Variants in COL5A2 observed in about 807,000 individuals in gnomAD.
The protein encoded by COL5A2 is collagen type V alpha 2 chain, also known as collagen alpha-2(V) chain.
COL5A2 carries 23 observed loss-of-function variants against 208.2 expected under a neutral mutation model. The observed-to-expected ratio is 0.11, with a 90% CI of 0.08 to 0.16. The LOEUF is 0.16. Ranked by LOEUF, COL5A2 falls within the 10% of genes least tolerant of loss-of-function variation. COL5A2 has a pLI of 1.00. For missense variants in COL5A2, 1,590 were observed against 1,956.4 expected (o/e 0.81, Z 3.53); for synonymous variants, 625 against 628.5 (o/e 0.99, Z 0.08).
chr2:189,244,453 T>A, the COL5A2 span, among the ~76,000 whole-genome samples: 1 of 152,178 alleles, frequency 6.6e-6, no homozygotes, highest in Admixed American at 6.6e-5. Context: ...TGCTAAAACA[T>A]AACAAGAGTC....
intron 12 of COL5A2, among the ~76,000 whole-genome samples, chr2:189,083,636 G>A (rs944210991): frequency 6.6e-6 from 1 of 151,810 alleles, no homozygotes; most frequent in Non-Finnish European, 1.5e-5. Context: ...GGATTGAAGT[G>A]TGAATTGTAA....
the COL5A2 span, among the ~76,000 whole-genome samples, chr2:189,305,884 G>T: frequency 5.9e-5 from 9 of 151,674 alleles, no homozygotes; most frequent in African/African-American, 2.2e-4. Context: ...CAGGGCATCA[G>T]TCAGCACCTC....
At chr2:189,423,419 A>G in the COL5A2 span, among the ~76,000 whole-genome samples, 5 of 152,074 alleles carry the variant, frequency 3.3e-5, no homozygotes, top group African/African-American at 4.8e-5. Context: ...AGAAACTAGG[A>G]AAATAATAGG....
At chr2:189,240,643 T>C in the COL5A2 span, among the ~76,000 whole-genome samples, 1 of 152,214 alleles carries the variant, frequency 6.6e-6, no homozygotes, top group Non-Finnish European at 1.5e-5. Context: ...TGAGTTTCTC[T>C]ACCCAATCAA....
At chr2:189,384,668 T>A in the COL5A2 span, among the ~76,000 whole-genome samples, 1 of 152,214 alleles carries the variant, frequency 6.6e-6, no homozygotes, top group Non-Finnish European at 1.5e-5. Flanking sequence ...GAGGGATAGT[T>A]TGCAAATATT....
the COL5A2 span, among the ~76,000 whole-genome samples, chr2:189,315,398 A>C: frequency 6.0e-4 from 92 of 152,310 alleles, 2 homozygotes; most frequent in Middle Eastern, 3.4e-3. Context: ...TCATGTTAAA[A>C]ATTCCCTATA....
chr2:189,328,687 T>G, the COL5A2 span, among the ~76,000 whole-genome samples: 1 of 152,210 alleles, frequency 6.6e-6, no homozygotes, highest in Non-Finnish European at 1.5e-5. Flanking sequence ...GGATTTTGTT[T>G]GCCCCACTGC....
At chr2:189,266,574 C>T in the COL5A2 span, among the ~76,000 whole-genome samples, 1 of 151,964 alleles carries the variant, frequency 6.6e-6, no homozygotes, top group Non-Finnish European at 1.5e-5. Context: ...AGGCAAATAT[C>T]TAGATACAGA....
the COL5A2 span, among the ~76,000 whole-genome samples, chr2:189,269,743 T>C: frequency 1.3e-5 from 2 of 152,222 alleles, no homozygotes; most frequent in African/African-American, 4.8e-5. Flanking sequence ...AGGATGATGC[T>C]GGCCTCATAA....
In COL5A2 at chr2:189,068,900, G is replaced by A. The variant is rs201400695; in HGVS notation, c.1159-16C>T. On this transcript the variant is annotated splice_polypyrimidine_tract_variant and intron_variant, in intron 18 of 53. Transcript: ENST00000374866. ...CTGCTTCTCCCTAAAAGGGTGCAAA[G>A]GGAAATGTTAATTTAAGAAAAATAC... 73 of 1,545,646 alleles carry A rather than the reference G, an allele frequency of 4.7e-5. No individual in the cohort carries two copies. The East Asian group carries it at 1.6e-3, about 34-fold the overall frequency.
intron 1 of COL5A2, among the ~76,000 whole-genome samples, chr2:189,137,680 T>A (rs1186898250): frequency 6.6e-6 from 1 of 152,064 alleles, no homozygotes; most frequent in African/African-American, 2.4e-5. Flanking sequence ...CTTCTAACTG[T>A]GCAGAAGACA....
chr2:189,068,297 T>C (rs1254318583), intron 19 of COL5A2, 27 bp from the exon 20 acceptor site: 2 of 1,587,808 alleles, frequency 1.3e-6, no homozygotes, highest in South Asian at 2.2e-5. Flanking sequence ...AAGTATGTAA[T>C]GAAATATTAA....
chr2:189,133,277 G>A (rs558715451), intron 1 of COL5A2, among the ~76,000 whole-genome samples: 10 of 107,854 alleles, frequency 9.3e-5, no homozygotes, highest in Admixed American at 8.1e-4. Context: ...CTGCCACCAC[G>A]CCTGGCTAAT....
intron 1 of COL5A2, among the ~76,000 whole-genome samples, chr2:189,198,305 A>C (rs1371876127): frequency 6.6e-6 from 1 of 152,210 alleles, no homozygotes; most frequent in East Asian, 1.9e-4. Flanking sequence ...TACAGAACCT[A>C]ATCTGGCAAT....
At chr2:189,350,382 A>T in the COL5A2 span, among the ~76,000 whole-genome samples, 42,907 of 152,040 alleles carry the variant, frequency 0.28, 6,303 homozygotes, top group African/African-American at 0.34. Flanking sequence ...AAACTTTAAG[A>T]CATAGACTTT....
intron 1 of COL5A2, among the ~76,000 whole-genome samples, chr2:189,143,747 G>A (rs1687981301): frequency 6.6e-6 from 1 of 152,070 alleles, no homozygotes; most frequent in Non-Finnish European, 1.5e-5. Flanking sequence ...AGAGACGTGT[G>A]GAGGTTAGAA....
At chr2:189,084,598 C>T (rs758113991) in intron 11 of COL5A2, among the ~76,000 whole-genome samples, 1 of 152,122 alleles carries the variant, frequency 6.6e-6, no homozygotes. Flanking sequence ...ATTTGATCCT[C>T]AACTTTGGTA....
At chr2:189,071,156 T>TA (rs923789009) in intron 18 of COL5A2, among the ~76,000 whole-genome samples, 3 of 152,222 alleles carry the variant, frequency 2.0e-5, no homozygotes, top group African/African-American at 7.2e-5. Flanking sequence ...GTGATGAGTT[T>TA]ACATAGATGG....
chr2:189,384,023 C>T, the COL5A2 span, among the ~76,000 whole-genome samples: 1 of 152,016 alleles, frequency 6.6e-6, no homozygotes, highest in Admixed American at 6.6e-5. Flanking sequence ...TCTTGCCATA[C>T]CTGGCTTATT....
Sources: allele counts gnomAD v4.1 joint callset (sites outside exome capture counted in the v4.1 genomes callset), GRCh38; gene constraint gnomAD v4.1.1; transcripts MANE v1.5; gene names NCBI Gene and HGNC (gene_info 2026-07-23, HGNC 2026-07-21).